The following SNTB1 variants were observed in gnomAD, a reference collection of about 807,000 sequenced individuals.
SNTB1 encodes the protein beta-1-syntrophin.
SNTB1 carries 36 observed loss-of-function variants against 48.9 expected under a neutral mutation model. The ratio of observed to expected loss-of-function variants is 0.74; its 90% CI spans 0.56 to 0.97. The LOEUF (loss-of-function observed/expected upper bound fraction) is 0.97. Ranked by LOEUF, SNTB1 falls within the 50% of genes least tolerant of loss-of-function variation. SNTB1 has a pLI of 0.00. For missense variants in SNTB1, 786 were observed against 703.4 expected, an observed-to-expected ratio of 1.12 and a Z score of -1.33; for synonymous variants, 299 against 294.6, an observed-to-expected ratio of 1.01 and a Z score of -0.15.
chr8:120,792,089 A>G (rs1481631547), intron 1 of SNTB1, among the ~76,000 whole-genome samples: 6 of 149,242 alleles, frequency 4.0e-5, no homozygotes, highest in Non-Finnish European at 8.9e-5. Context: ...TATATATATG[A>G]GTACTAAAGA....
intron 3 of SNTB1, among the ~76,000 whole-genome samples, chr8:120,627,793 G>A (rs964399668): frequency 2.6e-5 from 4 of 152,180 alleles, no homozygotes; most frequent in African/African-American, 9.6e-5. Context: ...TTACTCATAA[G>A]GACAGATGTT....
intron 1 of SNTB1, among the ~76,000 whole-genome samples, chr8:120,809,840 A>C (rs1820396599): frequency 6.6e-6 from 1 of 152,172 alleles, no homozygotes; most frequent in Non-Finnish European, 1.5e-5. Context: ...AAGACATCGC[A>C]AATCCTCTAG....
At chr8:120,635,988 C>T in intron 2 of SNTB1, 2 of 832,030 alleles carry the variant, frequency 2.4e-6, no homozygotes, top group Non-Finnish European at 3.5e-6. Flanking sequence ...GCTCCAGAAT[C>T]CCATTCAATA....
chr8:120,662,299 T>C (rs1817601676), intron 2 of SNTB1, among the ~76,000 whole-genome samples: 1 of 152,244 alleles, frequency 6.6e-6, no homozygotes, highest in Non-Finnish European at 1.5e-5. Context: ...ACTCAAGTTT[T>C]AAAAGGTCAC....
At position 120,662,855 on chromosome 8, in the gene SNTB1, A is replaced by T. The variant is rs372705129; in HGVS notation, c.789-30204T>A. Among the ~76,000 whole-genome samples the T allele has an allele frequency of 5.9e-5, 9 of 152,162 alleles. No individual in the cohort carries two copies. In the South Asian group the frequency reaches 1.9e-3, roughly 32 times the overall value. ...TTTTTGGGTGCAGCAAGTACAAACA[A>T]CCTTAATCATGTTTGAATCATTCAT... On this transcript the variant is annotated intron_variant, in intron 2 of 6. Transcript: ENST00000517992.
chr8:120,591,314 G>T (rs539526055), intron 3 of SNTB1, among the ~76,000 whole-genome samples: 19 of 152,238 alleles, frequency 1.2e-4, no homozygotes, highest in African/African-American at 4.3e-4. Context: ...AGCTCTGTGA[G>T]ATTTAGCCTA....
At chr8:120,584,438 CA>C (rs11443743) in intron 3 of SNTB1, among the ~76,000 whole-genome samples, 5 of 57,070 alleles carry the variant, frequency 8.8e-5, no homozygotes, top group Non-Finnish European at 1.1e-4. Flanking sequence ...AACTCCATCT[CA>C]AAAAAAAAAA....
chr8:120,538,483 G>A lies in SNTB1; in HGVS notation c.*394C>T, dbSNP rs1815233449. On this transcript the variant is annotated 3_prime_UTR_variant, in exon 7 of 7. Transcript: ENST00000517992. ...GGGGCTAGGAGGAGTAGGTAAGAATGTCCATTTCTCAACTATTCGGCCCTT... is the reference window on the plus strand; with the variant it reads ...GGGGCTAGGAGGAGTAGGTAAGAATATCCATTTCTCAACTATTCGGCCCTT... 6.1e-6 allele frequency: 2 copies of A among 327,036 alleles called. No individual in the cohort carries two copies. The highest frequency in any genetic ancestry group is 2.1e-5 in the African/African-American group (1 of 46,858). The allele number at this position is 327,036 out of a possible 1,614,324, so 20.3% of individuals were successfully genotyped here.
chr8:120,645,082 G>A (rs1817264958), intron 2 of SNTB1, among the ~76,000 whole-genome samples: 2 of 147,806 alleles, frequency 1.4e-5, no homozygotes, highest in African/African-American at 4.9e-5. Context: ...CAGATGAGTA[G>A]GTTGCGAAAA....
chr8:120,653,221 G>A (rs1327125751), intron 2 of SNTB1, among the ~76,000 whole-genome samples: 5 of 152,170 alleles, frequency 3.3e-5, no homozygotes, highest in African/African-American at 1.2e-4. Context: ...ATTCAGATGA[G>A]ATCCTTATCA....
At chr8:120,631,712 G>C (rs1426120795) in intron 3 of SNTB1, among the ~76,000 whole-genome samples, 1 of 152,098 alleles carries the variant, frequency 6.6e-6, no homozygotes, top group African/African-American at 2.4e-5. Context: ...GATGGCCACA[G>C]AGTGAGTTTT....
At chr8:120,563,352 C>T (rs977764648) in intron 4 of SNTB1, among the ~76,000 whole-genome samples, 3 of 151,366 alleles carry the variant, frequency 2.0e-5, no homozygotes, top group South Asian at 2.1e-4. Context: ...AATGTTCTCC[C>T]AAGGACTCAT....
chr8:120,786,231 A>G (rs565155728), intron 1 of SNTB1, among the ~76,000 whole-genome samples: 16 of 152,106 alleles, frequency 1.1e-4, no homozygotes, highest in Admixed American at 5.2e-4. Context: ...AGGGATTGCT[A>G]CTCCTAGGGA....
intron 3 of SNTB1, among the ~76,000 whole-genome samples, chr8:120,579,346 G>A (rs954907492): frequency 6.6e-6 from 1 of 152,228 alleles, no homozygotes; most frequent in African/African-American, 2.4e-5. Flanking sequence ...CTAATCTTTG[G>A]AATATAGTTT....
rs990465886 is a variant in SNTB1, at chr8:120,759,263, T to C, written c.571+52010A>G. Among the ~76,000 whole-genome samples the C allele has an allele frequency of 8.5e-5, 13 of 152,334 alleles. No individual in the cohort carries two copies. The South Asian group carries it at 2.7e-3, about 32-fold the overall frequency. ...GTTTGTGGTTTATCTTTCCTTTTACTTGAAATACCTTCAGAGGGCAAAGCA... is the reference window on the plus strand; with the variant it reads ...GTTTGTGGTTTATCTTTCCTTTTACCTGAAATACCTTCAGAGGGCAAAGCA... On this transcript the variant is annotated intron_variant, in intron 1 of 6. Transcript: ENST00000517992.
At chr8:120,737,349 CA>C (rs929030483) in intron 1 of SNTB1, among the ~76,000 whole-genome samples, 88 of 152,074 alleles carry the variant, frequency 5.8e-4, no homozygotes, top group African/African-American at 2.0e-3. Flanking sequence ...TATGAAGCAC[CA>C]AAGAAATGAA....
At chr8:120,730,179 G>C (rs983982315) in intron 1 of SNTB1, among the ~76,000 whole-genome samples, 1 of 151,812 alleles carries the variant, frequency 6.6e-6, no homozygotes, top group Non-Finnish European at 1.5e-5. Flanking sequence ...ATTTTTTTGA[G>C]ACAGAGTCTT....
At chr8:120,802,172 T>A (rs1820239333) in intron 1 of SNTB1, among the ~76,000 whole-genome samples, 1 of 152,156 alleles carries the variant, frequency 6.6e-6, no homozygotes. Flanking sequence ...TTAATAACAA[T>A]TATGTTATTA....
intron 3 of SNTB1, among the ~76,000 whole-genome samples, chr8:120,609,000 T>G (rs1029457583): frequency 3.3e-5 from 5 of 152,080 alleles, no homozygotes; most frequent in African/African-American, 1.2e-4. Flanking sequence ...AAGATAGGAG[T>G]GCAGTAAAAT....
Sources: gnomAD v4.1 joint callset for allele counts (sites outside exome capture counted in the v4.1 genomes callset) on GRCh38, gnomAD v4.1.1 for gene constraint, MANE v1.5 for transcripts, NCBI Gene and HGNC (gene_info 2026-07-23, HGNC 2026-07-21) for gene names.